The following ATXN7 variants were observed in gnomAD, a reference collection of about 807,000 sequenced individuals.
The protein encoded by ATXN7 is ataxin 7.
ATXN7 carries 12 observed loss-of-function variants against 70.5 expected under a neutral mutation model. The ratio of observed to expected loss-of-function variants is 0.17; its 90% CI spans 0.11 to 0.28. The LOEUF (loss-of-function observed/expected upper bound fraction) is 0.28, where lower values mean the gene tolerates loss of function less well. Ranked by LOEUF, ATXN7 falls within the 10% of genes least tolerant of loss-of-function variation. The pLI is 1.00. For missense variants in ATXN7, 1,256 were observed against 1,131.7 expected (o/e 1.11, Z -1.58); for synonymous variants, 498 against 448.7 (o/e 1.11, Z -1.39).
intron 1 of ATXN7, among the ~76,000 whole-genome samples, chr3:63,884,232 C>T (rs1703006079): frequency 1.4e-5 from 2 of 147,254 alleles, no homozygotes; most frequent in South Asian, 4.3e-4. Context: ...CACACACACA[C>T]ACACACACAT....
At chr3:63,953,449 C>G (rs1177013970) in intron 5 of ATXN7, among the ~76,000 whole-genome samples, 1 of 152,126 alleles carries the variant, frequency 6.6e-6, no homozygotes. Flanking sequence ...ACCTGATATT[C>G]ATAGGCCAGG....
At chr3:63,981,934 T>G (rs1233621283) in intron 6 of ATXN7, among the ~76,000 whole-genome samples, 1 of 152,206 alleles carries the variant, frequency 6.6e-6, no homozygotes, top group East Asian at 1.9e-4. Context: ...TTGCCTCATG[T>G]GTAAAATTTT....
In ATXN7 at chr3:63,884,242, T is replaced by C. The variant is rs62251625; in HGVS notation, c.-110-14157T>C. Among the ~76,000 whole-genome samples, 837 of 86,608 alleles carry C rather than the reference T, an allele frequency of 9.7e-3. 7 individuals are homozygous for C. Among genetic ancestry groups the C allele is most frequent in the Non-Finnish European group, 0.016 (631 of 39,364 alleles). The allele number at this position is 86,608 out of a possible 152,430, so 56.8% of individuals were successfully genotyped here. On this transcript the variant is annotated intron_variant, in intron 1 of 12. Transcript: ENST00000674280. The stretch of plus-strand genomic sequence containing the variant: ...ACACACACACACACACACACACACA[T>C]ACTCTCACACACACACACACTCATT...
intron 12 of ATXN7, chr3:63,997,709 T>G: frequency 6.4e-7 from 1 of 1,551,252 alleles, no homozygotes; most frequent in Non-Finnish European, 8.7e-7. Flanking sequence ...TTTCATGATT[T>G]TTTTTCCCCT....
intron 11 of ATXN7, among the ~76,000 whole-genome samples, chr3:63,993,713 C>T (rs1201773511): frequency 6.6e-6 from 1 of 152,188 alleles, no homozygotes; most frequent in African/African-American, 2.4e-5. Flanking sequence ...AGATCCACAT[C>T]CTTCCCTGCT....
rs929428112 is a variant in ATXN7 at position 63,988,209 on chromosome 3, C to T, written c.1246C>T (p.Pro416Ser). Reference sequence around the variant, plus strand: ...ACCGCAGCCTCTCAGGGACCCGCATCCCGCCCCTCCTAGAACGTCACAGGA... The same window carrying T: ...ACCGCAGCCTCTCAGGGACCCGCATTCCGCCCCTCCTAGAACGTCACAGGA... ...QPPQPLRDPH[P>S]APPRTSQEPH... The change falls in exon 9 of 13, where the codon CCC (proline) becomes TCC (serine). Residue 416 changes from proline to serine, a missense_variant. By Grantham distance (74) the Pro-to-Ser change is moderately conservative. Coordinates refer to ENST00000674280, the MANE Select transcript of ATXN7 (RefSeq NM_001377405.1). The T allele has an allele frequency of 1.2e-6, 2 of 1,613,898 alleles. No homozygotes were observed. The highest frequency in any genetic ancestry group is 8.5e-7 in the Non-Finnish European group (1 of 1,179,982).
intron 5 of ATXN7, among the ~76,000 whole-genome samples, chr3:63,974,709 A>G (rs1189516264): frequency 6.6e-6 from 1 of 152,256 alleles, no homozygotes; most frequent in Non-Finnish European, 1.5e-5. Context: ...GTTTCTACAC[A>G]GTACACAGTA....
chr3:63,869,605 A>G (rs958085220), intron 1 of ATXN7, among the ~76,000 whole-genome samples: 1 of 151,996 alleles, frequency 6.6e-6, no homozygotes, highest in Non-Finnish European at 1.5e-5. Context: ...TTGTATTTTT[A>G]GTAGAGATGG....
At chr3:63,875,953 T>C (rs779773859) in intron 1 of ATXN7, among the ~76,000 whole-genome samples, 9 of 152,234 alleles carry the variant, frequency 5.9e-5, no homozygotes, top group Non-Finnish European at 1.3e-4. Flanking sequence ...CCAAGACTTC[T>C]GTAGCTTTTG....
intron 5 of ATXN7, among the ~76,000 whole-genome samples, chr3:63,976,566 GA>G (rs1349297340): frequency 6.6e-6 from 1 of 152,182 alleles, no homozygotes; most frequent in Non-Finnish European, 1.5e-5. Flanking sequence ...TTTAACTTAA[GA>G]AGCTTTGAAC....
At chr3:63,931,720 GC>G (rs1704971587) in intron 4 of ATXN7, among the ~76,000 whole-genome samples, 1 of 151,874 alleles carries the variant, frequency 6.6e-6, no homozygotes, top group Non-Finnish European at 1.5e-5. Context: ...TCTTTAAATT[GC>G]CCCACTGCCC....
intron 1 of ATXN7, among the ~76,000 whole-genome samples, chr3:63,878,107 G>C (rs1455451635): frequency 6.6e-6 from 1 of 152,182 alleles, no homozygotes; most frequent in Non-Finnish European, 1.5e-5. Flanking sequence ...ATAGGAGATG[G>C]TTGGTTCTCT....
At chr3:63,896,874 A>T (rs1231756021) in intron 1 of ATXN7, among the ~76,000 whole-genome samples, 2 of 152,184 alleles carry the variant, frequency 1.3e-5, no homozygotes, top group Non-Finnish European at 2.9e-5. Flanking sequence ...GAATCTGATG[A>T]CTTCCTTGGA....
At chr3:63,865,542 A>G (rs932563625) in intron 1 of ATXN7, among the ~76,000 whole-genome samples, 1 of 152,286 alleles carries the variant, frequency 6.6e-6, no homozygotes, top group African/African-American at 2.4e-5. Context: ...GAAATTGTCA[A>G]TTGATTGGGG....
chr3:63,865,630 G>A (rs928810460), intron 1 of ATXN7, among the ~76,000 whole-genome samples: 10 of 152,038 alleles, frequency 6.6e-5, no homozygotes, highest in African/African-American at 2.4e-4. Context: ...GGTGGCTCAC[G>A]CCTGTAATCC....
chr3:63,982,941 A>G lies in ATXN7; in HGVS notation c.1015A>G (p.Arg339Gly). 1 of 1,613,766 alleles carries G rather than the reference A, an allele frequency of 6.2e-7. No individual in the cohort carries two copies. Among genetic ancestry groups the G allele is most frequent in the Non-Finnish European group, 8.5e-7 (1 of 1,179,718 alleles). Residue 339 changes from arginine to glycine, a missense_variant and splice_region_variant, in exon 8 of 13, where the codon AGA becomes GGA. Arg to Gly is a moderately radical substitution (Grantham distance 125). Coordinates refer to ENST00000674280, the MANE Select transcript of ATXN7 (RefSeq NM_001377405.1). Reference protein sequence around the residue: ...RKFLNKRLSEREFDPDIHCGV... With the variant: ...RKFLNKRLSEGEFDPDIHCGV... ...TAATGCCTGTGTTCTTTTGACAGAA[A>G]GAGAGTTTGATCCTGACATCCACTG...
chr3:63,885,379 A>G (rs1167542330), intron 1 of ATXN7, among the ~76,000 whole-genome samples: 3 of 152,342 alleles, frequency 2.0e-5, no homozygotes, highest in African/African-American at 7.2e-5. Flanking sequence ...ATGCAAGTTA[A>G]AACCACAGTG....
At chr3:63,958,498 G>A (rs79819696) in intron 5 of ATXN7, among the ~76,000 whole-genome samples, 216 of 152,216 alleles carry the variant, frequency 1.4e-3, no homozygotes, top group Non-Finnish European at 2.7e-3. Context: ...AATTGCCATC[G>A]TATAATTATC....
chr3:63,979,942 C>T lies in ATXN7; in HGVS notation c.527C>T (p.Pro176Leu), dbSNP rs780369075. The change falls in exon 6 of 13, where the codon CCG becomes CTG. Residue 176 changes from proline (P) to leucine (L), a missense_variant. Physicochemically the swap from Pro to Leu is moderately conservative, Grantham distance 98 (BLOSUM62 -3). Transcript: ENST00000674280. The part of the protein sequence containing the change: ...YERRHSSSSK[P>L]PLAVPPTSVF... Reference sequence around the variant, plus strand: ...AGAAGACATAGCTCATCCAGCAAGCCGCCTTTGGCCGTTCCTCCCACTTCA... The same window carrying T: ...AGAAGACATAGCTCATCCAGCAAGCTGCCTTTGGCCGTTCCTCCCACTTCA... 30 of 1,614,036 alleles carry T rather than the reference C, an allele frequency of 1.9e-5. No homozygotes were observed. Among genetic ancestry groups the T allele is most frequent in the South Asian group, 3.3e-5 (3 of 91,086 alleles).
Sources: allele counts gnomAD v4.1 joint callset (sites outside exome capture counted in the v4.1 genomes callset), GRCh38; gene constraint gnomAD v4.1.1; transcripts MANE v1.5; gene names NCBI Gene and HGNC (gene_info 2026-07-23, HGNC 2026-07-21).